The following IL16 variants were observed in gnomAD, a reference collection of about 807,000 sequenced individuals.
IL16 encodes pro-interleukin-16.
In IL16, 67 loss-of-function variants were observed where a neutral mutation model predicts 110.1. That is an observed-to-expected ratio of 0.61 (90% CI 0.50 to 0.75). The LOEUF is 0.75. IL16 is among the 30% of genes least tolerant of loss of function. The pLI is 0.00. For missense variants in IL16, 1,545 were observed against 1,655.0 expected (o/e 0.93, Z 1.15); for synonymous variants, 689 against 662.9 (o/e 1.04, Z -0.61).
chr15:81,253,792 T>TA, intron 2 of IL16, among the ~76,000 whole-genome samples: 1 of 152,342 alleles, frequency 6.6e-6, no homozygotes, highest in South Asian at 2.1e-4. Context: ...TCCTGAGCTA[T>TA]GCCATTGGCA....
intron 11 of IL16, among the ~76,000 whole-genome samples, chr15:81,290,798 G>T (rs7170924): frequency 0.3 from 45,941 of 152,034 alleles, 7,530 homozygotes; most frequent in East Asian, 0.5. Context: ...TCCAGCTCCC[G>T]GTGGTCTCCA....
intron 6 of IL16, among the ~76,000 whole-genome samples, chr15:81,277,615 T>C (rs1898972303): frequency 6.6e-6 from 1 of 152,080 alleles, no homozygotes; most frequent in Non-Finnish European, 1.5e-5. Flanking sequence ...AGCTAATATT[T>C]GTACGTTTTG....
At chr15:81,185,107 G>A (rs2141906857) in intron 1 of IL16, among the ~76,000 whole-genome samples, 1 of 152,246 alleles carries the variant, frequency 6.6e-6, no homozygotes, top group East Asian at 1.9e-4. Context: ...CGTAGGGTTT[G>A]AGGAGGATTC....
intron 2 of IL16, among the ~76,000 whole-genome samples, chr15:81,228,169 A>G (rs1293876505): frequency 6.6e-6 from 1 of 152,106 alleles, no homozygotes; most frequent in Non-Finnish European, 1.5e-5. Context: ...GAGCACGTCT[A>G]TCACTCTGTC....
chr15:81,191,432 C>CATTT (rs1354120812), intron 1 of IL16, among the ~76,000 whole-genome samples: 44 of 152,306 alleles, frequency 2.9e-4, no homozygotes, highest in African/African-American at 9.6e-4. Context: ...TGGCATTAGT[C>CATTT]ATTTATTCAT....
Position 81,190,681 on chromosome 15 carries a change from G to A in IL16, c.40+7785G>A, listed in dbSNP as rs550606534. Among the ~76,000 whole-genome samples the A allele has an allele frequency of 8.5e-5, 13 of 152,312 alleles. No individual in the cohort carries two copies. In the South Asian group the frequency reaches 2.7e-3, roughly 32 times the overall value. On this transcript the variant is annotated intron_variant, in intron 1 of 18. Coordinates refer to the IL16 transcript ENST00000302987. ...ATGCAAACCTACCCCCAAAGGCTGAGGAAGTTGAGGGGCCAAAGAAAGAAG... is the reference window on the plus strand; with the variant it reads ...ATGCAAACCTACCCCCAAAGGCTGAAGAAGTTGAGGGGCCAAAGAAAGAAG...
intron 6 of IL16, among the ~76,000 whole-genome samples, chr15:81,277,959 T>G (rs1036968063): frequency 4.6e-5 from 7 of 152,190 alleles, no homozygotes; most frequent in Non-Finnish European, 1.0e-4. Context: ...GGATTTTTGG[T>G]TACAGGAAGA....
chr15:81,203,418 T>A (rs1261409997), intron 1 of IL16, among the ~76,000 whole-genome samples: 2 of 152,134 alleles, frequency 1.3e-5, no homozygotes, highest in African/African-American at 4.8e-5. Flanking sequence ...CTGAATGGTA[T>A]TGCCTAGGTT....
At chr15:81,183,971 C>T (rs1566985712) in intron 1 of IL16, among the ~76,000 whole-genome samples, 1 of 152,202 alleles carries the variant, frequency 6.6e-6, no homozygotes, top group Non-Finnish European at 1.5e-5. Context: ...TGTCAGCTCT[C>T]CTAAGCAGGC....
chr15:81,254,721 G>A (rs1408142125), intron 2 of IL16, among the ~76,000 whole-genome samples: 5 of 152,212 alleles, frequency 3.3e-5, no homozygotes, highest in Admixed American at 2.6e-4. Context: ...AGCAGAAACA[G>A]AAGAGTTCTG....
chr15:81,235,077 C>T (rs1246720224), intron 2 of IL16, among the ~76,000 whole-genome samples: 9 of 152,050 alleles, frequency 5.9e-5, no homozygotes, highest in Admixed American at 5.9e-4. Flanking sequence ...TAATCACTGC[C>T]CCCATGCCCA....
intron 1 of IL16, among the ~76,000 whole-genome samples, chr15:81,215,579 T>G (rs1240571665): frequency 8.5e-5 from 13 of 152,148 alleles, no homozygotes; most frequent in Admixed American, 8.5e-4. Context: ...GGGGAGACCC[T>G]TTTGATCACC....
chr15:81,248,208 A>G (rs1897636245), intron 2 of IL16, among the ~76,000 whole-genome samples: 1 of 152,144 alleles, frequency 6.6e-6, no homozygotes, highest in Non-Finnish European at 1.5e-5. Context: ...AAGTGGTACT[A>G]GCTTTAATTT....
Position 81,199,036 on chromosome 15 carries a change from TATA to T in IL16, c.-102+1885_-102+1887del, listed in dbSNP as rs1566990636. Among the ~76,000 whole-genome samples, 605 of 79,946 alleles carry T rather than the reference TATA, an allele frequency of 7.6e-3. 5 individuals are homozygous for T. The highest frequency in any genetic ancestry group is 0.015 in the Middle Eastern group (3 of 196). The allele number at this position is 79,946 out of a possible 152,430, so 52.4% of individuals were successfully genotyped here. ...CTCCATCTCAAAAAAAAAAAATATA[TATA>T]TATATATATATATATATATATAAAA... is the stretch of plus-strand genomic sequence containing the variant. On this transcript the variant is annotated intron_variant, in intron 1 of 18. Transcript: ENST00000683961.
chr15:81,300,033 G>C lies in IL16; in HGVS notation c.2707G>C (p.Val903Leu). Residue 903 changes from valine (V) to leucine (L), a missense_variant, in exon 14 of 19, where the codon GTA becomes CTA. Coordinates refer to ENST00000683961, the MANE Select transcript of IL16 (RefSeq NM_172217.5). Reference sequence around the variant, plus strand: ...TCTTGTGCCCCAGCAGCCTGAGCAAGTACTGTCCTCGGGGTCCCCTGCAGC... The same window carrying C: ...TCTTGTGCCCCAGCAGCCTGAGCAACTACTGTCCTCGGGGTCCCCTGCAGC... ...PTLVPQQPEQ[V>L]LSSGSPAASE... The C allele has an allele frequency of 6.4e-7, 1 of 1,573,504 alleles. No individual in the cohort carries two copies. Among genetic ancestry groups the C allele is most frequent in the South Asian group, 1.2e-5 (1 of 84,374 alleles).
At chr15:81,229,809 G>A (rs1394829323) in intron 2 of IL16, among the ~76,000 whole-genome samples, 5 of 152,122 alleles carry the variant, frequency 3.3e-5, no homozygotes, top group Admixed American at 6.5e-5. Context: ...GCACCCAGGC[G>A]TGACTCAGTT....
chr15:81,209,654 GAC>G (rs1419680716), intron 1 of IL16, among the ~76,000 whole-genome samples: 1 of 152,170 alleles, frequency 6.6e-6, no homozygotes, highest in Non-Finnish European at 1.5e-5. Context: ...GGCCAAAGGT[GAC>G]AGCAGGTCCT....
At chr15:81,220,861 C>T (rs529880639) in intron 1 of IL16, among the ~76,000 whole-genome samples, 11 of 152,038 alleles carry the variant, frequency 7.2e-5, no homozygotes, top group South Asian at 2.1e-4. Flanking sequence ...ACTAACAGAT[C>T]CTGCTTCACA....
intron 1 of IL16, chr15:81,188,222 T>G (rs1895444892): frequency 4.8e-6 from 2 of 420,566 alleles, no homozygotes; most frequent in African/African-American, 2.0e-5. Flanking sequence ...CAAAATAGAT[T>G]GCAGGTAGTG....
Sources: allele counts gnomAD v4.1 joint callset (sites outside exome capture counted in the v4.1 genomes callset), GRCh38; gene constraint gnomAD v4.1.1; transcripts MANE v1.5; gene names NCBI Gene and HGNC (gene_info 2026-07-23, HGNC 2026-07-21).